GRID1: variants seen among roughly 807,000 people sequenced by gnomAD.
GRID1 encodes the protein glutamate ionotropic receptor delta type subunit 1.
Under a neutral mutation model 98.0 loss-of-function variants are expected in GRID1, and 28 were observed. That is an observed-to-expected ratio of 0.29 (90% CI 0.21 to 0.39). GRID1 has a LOEUF of 0.39. Among genes scored for constraint, GRID1 ranks in the 10% least tolerant of loss-of-function variants. GRID1 has a pLI of 1.00. For synonymous variants in GRID1, 553 were observed against 538.5 expected, an observed-to-expected ratio of 1.03 and a Z score of -0.37; for missense variants, 1,111 against 1,340.5, an observed-to-expected ratio of 0.83 and a Z score of 2.67.
At chr10:86,340,316 A>G (rs1026625281) in intron 2 of GRID1, among the ~76,000 whole-genome samples, 1 of 152,218 alleles carries the variant, frequency 6.6e-6, no homozygotes, top group Non-Finnish European at 1.5e-5. Context: ...AATATCGGAC[A>G]GGAAAGGCTA....
chr10:85,672,323 T>C (rs1412819035), intron 12 of GRID1, among the ~76,000 whole-genome samples: 1 of 152,204 alleles, frequency 6.6e-6, no homozygotes, highest in East Asian at 1.9e-4. Context: ...CTGTGCTTTG[T>C]TTTTGGATGG....
At chr10:86,051,518 CA>C (rs201243866) in intron 4 of GRID1, among the ~76,000 whole-genome samples, 153 of 134,120 alleles carry the variant, frequency 1.1e-3, no homozygotes, top group Middle Eastern at 3.7e-3. Flanking sequence ...AGGGAAAAGG[CA>C]AAAAAAAAAA....
At chr10:86,172,036 A>G (rs1589396874) in intron 3 of GRID1, among the ~76,000 whole-genome samples, 1 of 151,390 alleles carries the variant, frequency 6.6e-6, no homozygotes, top group East Asian at 1.9e-4. Flanking sequence ...ACCTGTCTTA[A>G]GTGTACAATT....
intron 3 of GRID1, among the ~76,000 whole-genome samples, chr10:86,202,480 G>T (rs886538678): frequency 2.0e-5 from 3 of 152,244 alleles, no homozygotes; most frequent in African/African-American, 7.2e-5. Flanking sequence ...ATTTGAAGTG[G>T]CAAGTCAGAA....
chr10:85,753,830 C>T (rs1842070652), intron 8 of GRID1, among the ~76,000 whole-genome samples: 1 of 152,184 alleles, frequency 6.6e-6, no homozygotes, highest in African/African-American at 2.4e-5. Flanking sequence ...GGCCTCCCTT[C>T]TTCTTGTGTT....
intron 5 of GRID1, among the ~76,000 whole-genome samples, chr10:85,877,100 CA>C (rs1843341351): frequency 6.6e-6 from 1 of 152,260 alleles, no homozygotes; most frequent in African/African-American, 2.4e-5. Flanking sequence ...AACAAAGCAG[CA>C]GGGAAGCTCC....
chr10:85,963,251 GT>G (rs1842293468), intron 4 of GRID1, among the ~76,000 whole-genome samples: 1 of 151,954 alleles, frequency 6.6e-6, no homozygotes, highest in South Asian at 2.1e-4. Context: ...ATGAAATTGG[GT>G]TTCGGGTCCC....
intron 5 of GRID1, among the ~76,000 whole-genome samples, chr10:85,886,469 C>T (rs1426822959): frequency 6.6e-6 from 1 of 152,148 alleles, no homozygotes; most frequent in African/African-American, 2.4e-5. Flanking sequence ...TCTCATGGGA[C>T]TTGAAATGGG....
chr10:86,147,738 G>A (rs750978458), intron 3 of GRID1, among the ~76,000 whole-genome samples: 38 of 152,188 alleles, frequency 2.5e-4, no homozygotes, highest in Non-Finnish European at 4.7e-4. Flanking sequence ...CTCTCCCTGC[G>A]TTAGTAAACA....
At chr10:85,988,827 A>G (rs1473086213) in intron 4 of GRID1, among the ~76,000 whole-genome samples, 1 of 152,196 alleles carries the variant, frequency 6.6e-6, no homozygotes, top group Non-Finnish European at 1.5e-5. Context: ...TCTTTTAATC[A>G]AGGATGGTGA....
intron 5 of GRID1, among the ~76,000 whole-genome samples, chr10:85,906,595 G>T (rs1564623484): frequency 6.6e-6 from 1 of 152,130 alleles, no homozygotes; most frequent in Non-Finnish European, 1.5e-5. Flanking sequence ...ATAGCAGAAA[G>T]ATTTCTTTAA....
chr10:86,159,282 C>A (rs1845287298), intron 3 of GRID1, among the ~76,000 whole-genome samples: 1 of 152,214 alleles, frequency 6.6e-6, no homozygotes, highest in Non-Finnish European at 1.5e-5. Context: ...TACAGTCATG[C>A]ACCACAAAAT....
chr10:85,846,240 A>T (rs1843003862), intron 8 of GRID1, among the ~76,000 whole-genome samples: 1 of 152,248 alleles, frequency 6.6e-6, no homozygotes, highest in Non-Finnish European at 1.5e-5. Flanking sequence ...TTTTTAAAAT[A>T]GCAATAAAAT....
intron 3 of GRID1, among the ~76,000 whole-genome samples, chr10:86,181,283 G>C (rs149877826): frequency 6.6e-6 from 1 of 152,326 alleles, no homozygotes; most frequent in East Asian, 1.9e-4. Context: ...GGGCTGCATG[G>C]TCTCCCATCC....
intron 14 of GRID1, among the ~76,000 whole-genome samples, chr10:85,618,578 A>C (rs533493264): frequency 1.3e-5 from 2 of 152,210 alleles, no homozygotes; most frequent in South Asian, 4.1e-4. Context: ...TTAAGGGAAA[A>C]CCCAAAAGCC....
chr10:85,738,059 C>T (rs1841904574), intron 8 of GRID1, among the ~76,000 whole-genome samples: 2 of 152,098 alleles, frequency 1.3e-5, no homozygotes, highest in Admixed American at 1.3e-4. Flanking sequence ...ATCTACTCAT[C>T]AGCTCTTCTC....
At chr10:86,065,577 G>A (rs1158098275) in intron 4 of GRID1, among the ~76,000 whole-genome samples, 1 of 152,202 alleles carries the variant, frequency 6.6e-6, no homozygotes, top group African/African-American at 2.4e-5. Context: ...GATCTTTTGG[G>A]GCAGGAGCTA....
chr10:85,783,130 T>G (rs1396429696), intron 8 of GRID1, among the ~76,000 whole-genome samples: 2 of 152,180 alleles, frequency 1.3e-5, no homozygotes, highest in African/African-American at 4.8e-5. Flanking sequence ...CAACTCAATC[T>G]GAGGGATTAA....
chr10:86,049,326 T>C (rs1287722799), intron 4 of GRID1, among the ~76,000 whole-genome samples: 7 of 152,214 alleles, frequency 4.6e-5, no homozygotes, highest in African/African-American at 2.4e-5. Flanking sequence ...ATTGTATTGA[T>C]CCATATCAAA....
Sources: gnomAD v4.1 joint callset for allele counts (sites outside exome capture counted in the v4.1 genomes callset) on GRCh38, gnomAD v4.1.1 for gene constraint, MANE v1.5 for transcripts, NCBI Gene and HGNC (gene_info 2026-07-23, HGNC 2026-07-21) for gene names.